Variants in GPAT2 observed in about 807,000 individuals in gnomAD.
GPAT2 encodes glycerol-3-phosphate acyltransferase 2, mitochondrial, also known as 1-acylglycerol-3-phosphate O-acyltransferase GPAT2.
A neutral mutation model predicts 71.0 loss-of-function variants in GPAT2; 51 were observed. The ratio of observed to expected loss-of-function variants is 0.72; its 90% confidence interval spans 0.57 to 0.91. GPAT2 has a LOEUF of 0.91. Ranked by LOEUF, GPAT2 falls within the 40% of genes least tolerant of loss-of-function variation. GPAT2 has a pLI of 0.00. For missense variants in GPAT2, 511 were observed against 666.0 expected (o/e 0.77, Z 2.56); for synonymous variants, 222 against 290.3 (o/e 0.76, Z 2.39).
rs2918923 is a variant in GPAT2 at position 96,022,003 on chromosome 2, A to G, written c.*156T>C. On this transcript the variant is annotated 3_prime_UTR_variant, in exon 22 of 22. Transcript: ENST00000434632. ...CGTCCCCTTGTTTATCACATCAAAG[A>G]AGGGAAAAAGCAAGAGATGGCAAGG... 3.8e-5 allele frequency: 56 copies of G among 1,455,944 alleles called. No individual in the cohort carries two copies. The highest frequency in any genetic ancestry group is 2.5e-4 in the Middle Eastern group (1 of 3,966). 90.2% of individuals were successfully genotyped at this position (1,455,944 alleles called of 1,614,324 possible).
At chr2:96,023,073 G>A (rs2104598474) in intron 19 of GPAT2, 33 bp downstream of exon 19, 4 of 1,613,992 alleles carry the variant, frequency 2.5e-6, no homozygotes, top group East Asian at 2.2e-5. Context: ...GACACAGCCT[G>A]CCTCGAGGAC....
chr2:96,022,848 A>G, intron 20 of GPAT2, 110 bp downstream of exon 20: 1 of 1,612,092 alleles, frequency 6.2e-7, no homozygotes, highest in Non-Finnish European at 8.5e-7. Context: ...AGAAGACTGT[A>G]CTCTGCAGCC....
At chr2:96,024,163 C>T in intron 16 of GPAT2, 26 bp downstream of exon 16, 1 of 1,497,130 alleles carries the variant, frequency 6.7e-7, no homozygotes, top group Non-Finnish European at 8.9e-7. Context: ...GGCCTAGGAC[C>T]AAGTGGGCCG....
chr2:96,025,865 A>G (rs1208740285), intron 12 of GPAT2, 65 bp downstream of exon 12: 1 of 1,453,296 alleles, frequency 6.9e-7, no homozygotes, highest in African/African-American at 1.4e-5. Context: ...TATGGGGGAT[A>G]CATAAGCTGG....
rs200722064 is a variant in GPAT2 at position 96,024,532 on chromosome 2, G to A, written c.1582C>T (p.Arg528Cys). ...LRAHVALLRI[R>C]QGDLLVVPQP... is the part of the protein sequence containing the mutation. Reference sequence around the variant, plus strand: ...GGCACCACCAGCAAGTCACCCTGACGGATGCGCAGCAGGGCCACGTGCGCC... The same window carrying A: ...GGCACCACCAGCAAGTCACCCTGACAGATGCGCAGCAGGGCCACGTGCGCC... The change falls in exon 15 of 22, where the codon CGT becomes TGT. Residue 528 changes from arginine to cysteine, a missense_variant. Physicochemically the swap from Arg to Cys is radical, Grantham distance 180. Around this residue, in one of 7 missense-constraint regions of GPAT2, gnomAD observed 295 missense variants for 305.5 expected, o/e 0.97. Transcript: ENST00000434632. The A allele has an allele frequency of 1.4e-4, 220 of 1,613,768 alleles. No individual in the cohort carries two copies. The highest frequency in any genetic ancestry group is 1.2e-3 in the Middle Eastern group (7 of 6,084).
intron 12 of GPAT2, 113 bp downstream of exon 12, chr2:96,025,817 C>G: frequency 7.8e-7 from 1 of 1,278,618 alleles, no homozygotes; most frequent in East Asian, 2.3e-5. Context: ...CTAGATGACC[C>G]CAGGATACTT....
At chr2:96,022,905 C>T in intron 20 of GPAT2, 53 bp downstream of exon 20, 1 of 1,613,140 alleles carries the variant, frequency 6.2e-7, no homozygotes. Context: ...GGGCAGCAGC[C>T]ACCAGCAAAC....
At chr2:96,025,758 G>A (rs1475168164) in intron 12 of GPAT2, among the ~76,000 whole-genome samples, 155 bp from the exon 13 acceptor site, 1 of 152,202 alleles carries the variant, frequency 6.6e-6, no homozygotes, top group Non-Finnish European at 1.5e-5. Flanking sequence ...AGGCCTCTGT[G>A]CCATACCCCA....
Position 96,022,259 on chromosome 2 carries a change from G to A in GPAT2, c.2306C>T (p.Pro769Leu), listed in dbSNP as rs569846309. 28 of 1,599,438 alleles carry A rather than the reference G, an allele frequency of 1.8e-5. No individual in the cohort carries two copies. The highest frequency in any genetic ancestry group is 1.7e-4 in the South Asian group (15 of 89,448). Residue 769 changes from proline (P) to leucine (L), a missense_variant, in exon 22 of 22, where the codon CCG becomes CTG. Pro to Leu is a moderately conservative substitution (Grantham distance 98). Around this residue, in one of 7 missense-constraint regions of GPAT2, gnomAD observed 108 missense variants for 117.6 expected, o/e 0.92. Coordinates refer to ENST00000434632, the MANE Select transcript of GPAT2 (RefSeq NM_001321527.2). ...GTGGAGCCTGGGGCCTGCAGGGCTC[G>A]GCGTCTGCTGCAGAACCTGGGCCAT... is the stretch of plus-strand genomic sequence containing the variant. The part of the protein sequence containing the change: ...FRDLGVLQQT[P>L]SPAGPRLHLS...
At position 96,026,023 on chromosome 2, in the gene GPAT2, G is replaced by A. The variant is rs757941039; in HGVS notation, c.1156-11C>T. 1 of 1,612,458 alleles carries A rather than the reference G, an allele frequency of 6.2e-7. No homozygotes were observed. Among genetic ancestry groups the A allele is most frequent in the Non-Finnish European group, 8.5e-7 (1 of 1,179,710 alleles). ...ACTGACGATGTATTCCTGCCCAAGA[G>A]AAGGCTCTTAGGTGGCCTGCTCGGG... On this transcript the variant is annotated splice_polypyrimidine_tract_variant and intron_variant, in intron 11 of 21. Transcript: ENST00000434632.
At position 96,023,945 on chromosome 2, in the gene GPAT2, C is replaced by T. The variant is rs368749763; in HGVS notation, c.1892G>A (p.Cys631Tyr). ...TACCTCCTCAGCAACCAGGAGCCCG[C>T]ATTGGATGAGCCGGTCCAGCACCTC... is the stretch of plus-strand genomic sequence containing the variant. ...CQEVLDRLIQ[C>Y]GLLVAEETPG... Residue 631 changes from cysteine (C) to tyrosine (Y), a missense_variant, in exon 17 of 22, where the codon TGC becomes TAC. By Grantham distance (194) the Cys-to-Tyr change is radical. This residue lies in a region of GPAT2 where 295 missense variants were observed against 305.5 expected (regional missense o/e 0.97). Transcript: ENST00000434632. The T allele has an allele frequency of 6.2e-6, 10 of 1,605,108 alleles. No homozygotes were observed. Among genetic ancestry groups the T allele is most frequent in the Non-Finnish European group, 7.7e-6 (9 of 1,176,186 alleles).
chr2:96,024,758 C>T lies in GPAT2; in HGVS notation c.1428+15G>A, dbSNP rs1459076041. The T allele has an allele frequency of 2.5e-6, 4 of 1,614,026 alleles. No homozygotes were observed. The highest frequency in any genetic ancestry group is 1.7e-5 in the Admixed American group (1 of 60,024). Reference sequence around the variant, plus strand: ...CCCCCCACCGCCCAGGTCCCCACCACATTGCACCCCCTACCTTCTGATGCT... The same window carrying T: ...CCCCCCACCGCCCAGGTCCCCACCATATTGCACCCCCTACCTTCTGATGCT... On this transcript the variant is annotated intron_variant, in intron 14 of 21. Transcript: ENST00000434632.
Position 96,024,013 on chromosome 2 carries a change from G to C in GPAT2, c.1837-13C>G. On this transcript the variant is annotated splice_polypyrimidine_tract_variant and intron_variant, in intron 16 of 21. Coordinates refer to ENST00000434632, the MANE Select transcript of GPAT2 (RefSeq NM_001321527.2). ...AAGACTGGCAGGGCTGGGAGAAAAA[G>C]GCACCCATGTGGCCTCAGGAGAGCC... 4 of 1,580,200 alleles carry C rather than the reference G, an allele frequency of 2.5e-6. No individual in the cohort carries two copies. Among genetic ancestry groups the C allele is most frequent in the Non-Finnish European group, 3.4e-6 (4 of 1,163,036 alleles).
Position 96,024,827 on chromosome 2 carries a change from A to G in GPAT2, c.1374T>C (p.Ser458=), listed in dbSNP as rs200789411. ...CCATAATGGCCGTGCTCATCACCGC[A>G]GAGCTCCCTACACTGGCTGGAGTGG... ...CHVLSASVGS[S]AVMSTAIMAT... The change falls in exon 14 of 22, where the codon TCT becomes TCC. Residue 458 remains serine (S), a synonymous_variant. Transcript: ENST00000434632. 37 of 1,613,152 alleles carry G rather than the reference A, an allele frequency of 2.3e-5. No homozygotes were observed. Among genetic ancestry groups the G allele is most frequent in the Non-Finnish European group, 2.8e-5 (33 of 1,179,958 alleles).
In GPAT2 at chr2:96,023,156, G is replaced by A; in HGVS notation, c.2117C>T (p.Ala706Val). 6.2e-7 allele frequency: 1 copy of A among 1,607,494 alleles called. No individual in the cohort carries two copies. The highest frequency in any genetic ancestry group is 8.5e-7 in the Non-Finnish European group (1 of 1,176,940). ...LCRLLSPLLK[A>V]FAQAAAFLRQ... ...GAGGAAGGCGGCAGCCTGTGCAAAG[G>A]CCTTGAGCAGCGGGCTGAGCAGGCG... Residue 706 changes from alanine (A) to valine (V), a missense_variant, in exon 19 of 22, where the codon GCC becomes GTC. Around this residue, in one of 7 missense-constraint regions of GPAT2, gnomAD observed 4 missense variants for 19.1 expected, o/e 0.21. Transcript: ENST00000434632.
Position 96,022,122 on chromosome 2 carries a change from G to A in GPAT2, c.*37C>T. Reference sequence around the variant, plus strand: ...GCTCTAGGACACAGCTGTGTTCTGGGGCTGAGAAGTCTCAGCACAGGCTCC... The same window carrying A: ...GCTCTAGGACACAGCTGTGTTCTGGAGCTGAGAAGTCTCAGCACAGGCTCC... On this transcript the variant is annotated 3_prime_UTR_variant, in exon 22 of 22. Transcript: ENST00000434632. The A allele has an allele frequency of 6.2e-7, 1 of 1,604,114 alleles. No homozygotes were observed. Among genetic ancestry groups the A allele is most frequent in the South Asian group, 1.1e-5 (1 of 89,714 alleles).
Position 96,022,230 on chromosome 2 carries a change from A to T in GPAT2, c.2335T>A (p.Ser779Thr), listed in dbSNP as rs564006607. Residue 779 changes from serine (S) to threonine (T), a missense_variant, in exon 22 of 22, where the codon TCC (serine) becomes ACC (threonine). Ser to Thr is a moderately conservative substitution (Grantham distance 58, BLOSUM62 1). Around this residue, in one of 7 missense-constraint regions of GPAT2, gnomAD observed 108 missense variants for 117.6 expected, o/e 0.92. Transcript: ENST00000434632. ...TTGTCCAGGCTGGCAAAAGTAGGGG[A>T]CAGGTGGAGCCTGGGGCCTGCAGGG... is the stretch of plus-strand genomic sequence containing the variant. The part of the protein sequence containing the change: ...PSPAGPRLHL[S>T]PTFASLDNQE... The T allele has an allele frequency of 4.0e-5, 64 of 1,609,768 alleles. No individual in the cohort carries two copies. The Admixed American group carries it at 7.7e-4, about 19-fold the overall frequency.
At chr2:96,025,296 C>T (rs1680273894) in intron 13 of GPAT2, 189 bp downstream of exon 13, 5 of 772,414 alleles carry the variant, frequency 6.5e-6, no homozygotes, top group African/African-American at 1.8e-5. Context: ...TAGCTGCTCC[C>T]TTATGATGGC....
rs565408228 is a variant in GPAT2 at position 96,024,635 on chromosome 2, C to G, written c.1479G>C (p.Glu493Asp). ...CTACATCAAAGCCACGCAACAGTAT[C>G]TCCTCCGTCAGCCAGGAGAACTCCC... ...LLGEFSWLTE[E>D]ILLRGFDVGF... The change falls in exon 15 of 22, where the codon GAG (glutamate) becomes GAC (aspartate). Residue 493 changes from glutamate (E) to aspartate (D), a missense_variant. By Grantham distance (45) the Glu-to-Asp change is conservative. Coordinates refer to ENST00000434632, the MANE Select transcript of GPAT2 (RefSeq NM_001321527.2). 4 of 1,613,880 alleles carry G rather than the reference C, an allele frequency of 2.5e-6. No individual in the cohort carries two copies. The East Asian group carries it at 6.7e-5, about 27-fold the overall frequency.
Sources: gnomAD v4.1 joint callset for allele counts (sites outside exome capture counted in the v4.1 genomes callset) on GRCh38, gnomAD v4.1.1 for gene constraint, gnomAD v4.1.1 regional missense constraint, MANE v1.5 for transcripts, NCBI Gene and HGNC (gene_info 2026-07-23, HGNC 2026-07-21) for gene names.